NKAIN3: variants seen among roughly 807,000 people sequenced by gnomAD.
NKAIN3 encodes sodium/potassium transporting ATPase interacting 3, also known as sodium/potassium-transporting ATPase subunit beta-1-interacting protein 3.
NKAIN3 carries 25 observed loss-of-function variants against 30.2 expected under a neutral mutation model. That is an observed-to-expected ratio of 0.83 (90% CI 0.60 to 1.16). The LOEUF (loss-of-function observed/expected upper bound fraction) is 1.16. NKAIN3 is among the 50% of genes most tolerant of loss of function. The pLI is 0.00. For missense variants in NKAIN3, 225 were observed against 254.1 expected (o/e 0.89, Z 0.78); for synonymous variants, 91 against 89.6 (o/e 1.02, Z -0.09).
chr8:62,891,253 C>T (rs949384399), intron 4 of NKAIN3, among the ~76,000 whole-genome samples: 7 of 152,210 alleles, frequency 4.6e-5, no homozygotes, highest in Non-Finnish European at 2.9e-5. Context: ...AACTTACTTG[C>T]TGAGTCTTCT....
chr8:62,671,510 A>T (rs970648488), intron 3 of NKAIN3, among the ~76,000 whole-genome samples: 1 of 152,230 alleles, frequency 6.6e-6, no homozygotes, highest in Non-Finnish European at 1.5e-5. Context: ...AATACAAGGA[A>T]ACTATGTACT....
chr8:62,878,042 A>G (rs1265802912), intron 4 of NKAIN3, among the ~76,000 whole-genome samples: 1 of 145,648 alleles, frequency 6.9e-6, no homozygotes, highest in African/African-American at 2.5e-5. Flanking sequence ...CTCCATCTCA[A>G]AAAAAAAAAA....
At chr8:62,707,075 A>ACACACACACG (rs1392940857) in intron 3 of NKAIN3, among the ~76,000 whole-genome samples, 1 of 151,744 alleles carries the variant, frequency 6.6e-6, no homozygotes, top group African/African-American at 2.4e-5. Flanking sequence ...ACACACACAC[A>ACACACACACG]CACACACACA....
At chr8:62,814,964 C>A (rs1287643114) in intron 4 of NKAIN3, among the ~76,000 whole-genome samples, 2 of 151,912 alleles carry the variant, frequency 1.3e-5, no homozygotes, top group African/African-American at 4.8e-5. Flanking sequence ...AAAGGATCAA[C>A]AAAATTGATA....
At chr8:62,710,007 A>G (rs1036003098) in intron 3 of NKAIN3, among the ~76,000 whole-genome samples, 1 of 152,066 alleles carries the variant, frequency 6.6e-6, no homozygotes, top group Non-Finnish European at 1.5e-5. Flanking sequence ...CAGATTACTA[A>G]ATTTCCATGT....
chr8:62,910,473 A>C (rs1331061503), intron 4 of NKAIN3, among the ~76,000 whole-genome samples: 1 of 152,188 alleles, frequency 6.6e-6, no homozygotes, highest in Non-Finnish European at 1.5e-5. Context: ...TTTCAATGTT[A>C]GTCATCTGGT....
chr8:62,810,307 T>C (rs548503754), intron 4 of NKAIN3, among the ~76,000 whole-genome samples: 25 of 152,272 alleles, frequency 1.6e-4, no homozygotes, highest in African/African-American at 5.3e-4. Flanking sequence ...TTTGAGGATA[T>C]CACAAAGCAT....
intron 1 of NKAIN3, among the ~76,000 whole-genome samples, chr8:62,423,058 A>G (rs934612315): frequency 6.6e-6 from 1 of 152,080 alleles, no homozygotes; most frequent in African/African-American, 2.4e-5. Context: ...TCCATTTTCA[A>G]GGTAGCTGGG....
intron 3 of NKAIN3, among the ~76,000 whole-genome samples, chr8:62,738,102 C>T (rs1815735905): frequency 6.6e-6 from 1 of 152,148 alleles, no homozygotes; most frequent in Non-Finnish European, 1.5e-5. Flanking sequence ...CTGTCTTCCA[C>T]AATGGTTGAA....
At chr8:62,501,134 A>G (rs985987775) in intron 1 of NKAIN3, among the ~76,000 whole-genome samples, 4 of 152,146 alleles carry the variant, frequency 2.6e-5, no homozygotes, top group African/African-American at 7.2e-5. Context: ...AGCAAAGATC[A>G]TTTATAATGT....
At position 62,782,210 on chromosome 8, in the gene NKAIN3, C is replaced by A. The variant is rs368655762; in HGVS notation, c.471+35081C>A. 2.6e-3 allele frequency among the ~76,000 whole-genome samples: 389 copies of A among 151,654 alleles called. 2 individuals are homozygous for A. Among genetic ancestry groups the A allele is most frequent in the African/African-American group, 9.0e-3 (371 of 41,364 alleles). ...ATCATCAGAGAAATGCAAAAAAAAA[C>A]TACAATGATATATCATCTCACTCCA... On this transcript the variant is annotated intron_variant, in intron 4 of 6. Coordinates refer to ENST00000623646, the MANE Select transcript of NKAIN3 (RefSeq NM_001304533.3).
chr8:62,621,772 C>G (rs993980305), intron 3 of NKAIN3, among the ~76,000 whole-genome samples: 2 of 151,974 alleles, frequency 1.3e-5, no homozygotes, highest in African/African-American at 4.8e-5. Context: ...TCTCAGAACT[C>G]CTTGCTAGCT....
At chr8:62,329,964 T>C (rs1242640672) in intron 1 of NKAIN3, among the ~76,000 whole-genome samples, 3 of 152,050 alleles carry the variant, frequency 2.0e-5, no homozygotes, top group Non-Finnish European at 4.4e-5. Flanking sequence ...ACTGTTGATT[T>C]ACCACTAAAC....
At chr8:62,280,551 C>T (rs970582929) in intron 1 of NKAIN3, among the ~76,000 whole-genome samples, 10 of 152,024 alleles carry the variant, frequency 6.6e-5, no homozygotes, top group South Asian at 2.1e-4. Context: ...TACGTCCCAG[C>T]GATACCTGAT....
At chr8:62,800,796 G>C (rs1586209457) in intron 4 of NKAIN3, among the ~76,000 whole-genome samples, 1 of 152,232 alleles carries the variant, frequency 6.6e-6, no homozygotes, top group African/African-American at 2.4e-5. Context: ...CCATGCGCAA[G>C]CTGAAGCAGG....
chr8:62,373,674 A>T (rs1250393839), intron 1 of NKAIN3, among the ~76,000 whole-genome samples: 7 of 151,934 alleles, frequency 4.6e-5, no homozygotes, highest in Non-Finnish European at 1.0e-4. Flanking sequence ...ACTTAAAAGA[A>T]GATTAAAGTT....
At chr8:62,590,455 C>T (rs530407935) in intron 3 of NKAIN3, among the ~76,000 whole-genome samples, 31 of 151,934 alleles carry the variant, frequency 2.0e-4, no homozygotes, top group African/African-American at 6.5e-4. Flanking sequence ...AATGTAAGAA[C>T]AACTTAAGTT....
intron 3 of NKAIN3, among the ~76,000 whole-genome samples, chr8:62,707,028 G>A (rs1814545155): frequency 6.7e-6 from 1 of 149,972 alleles, no homozygotes; most frequent in Non-Finnish European, 1.5e-5. Flanking sequence ...CCCTTTTTAT[G>A]GCTGCATAGT....
intron 1 of NKAIN3, among the ~76,000 whole-genome samples, chr8:62,377,381 T>C (rs766009795): frequency 8.5e-5 from 13 of 152,190 alleles, no homozygotes; most frequent in Non-Finnish European, 1.5e-4. Context: ...TAAAGTCTTA[T>C]TTTTCTTTTA....
Sources: allele counts gnomAD v4.1 joint callset (sites outside exome capture counted in the v4.1 genomes callset), GRCh38; gene constraint gnomAD v4.1.1; transcripts MANE v1.5; gene names NCBI Gene and HGNC (gene_info 2026-07-23, HGNC 2026-07-21).